Variants in RYR2 observed in about 807,000 individuals in gnomAD.
RYR2 encodes cardiac muscle ryanodine receptor-calcium release channel.
RYR2 carries 227 observed loss-of-function variants against 601.1 expected under a neutral mutation model. That is an observed-to-expected ratio of 0.38 (90% CI 0.34 to 0.42). RYR2 has a LOEUF of 0.42. Among genes scored for constraint, RYR2 ranks in the 10% least tolerant of loss-of-function variants. The pLI, the probability that RYR2 is intolerant of heterozygous loss-of-function variation, is 1.00. For synonymous variants in RYR2, 2,223 were observed against 2,175.1 expected, an observed-to-expected ratio of 1.02 and a Z score of -0.61; for missense variants, 4,646 against 6,156.5, an observed-to-expected ratio of 0.75 and a Z score of 8.21.
At chr1:237,453,020 G>A (rs1020285262) in intron 14 of RYR2, among the ~76,000 whole-genome samples, 3 of 151,898 alleles carry the variant, frequency 2.0e-5, no homozygotes, top group African/African-American at 7.2e-5. Context: ...TTGAAAATGT[G>A]GATACTGAAT....
chr1:237,778,406 A>T (rs1694832334), intron 87 of RYR2, among the ~76,000 whole-genome samples: 1 of 151,820 alleles, frequency 6.6e-6, no homozygotes, highest in Admixed American at 6.6e-5. Flanking sequence ...CCAAAAAAAA[A>T]AAATGATTCA....
chr1:237,692,574 T>G (rs77949920), intron 63 of RYR2, among the ~76,000 whole-genome samples: 4,064 of 152,290 alleles, frequency 0.027, 72 homozygotes, highest in South Asian at 0.047. Flanking sequence ...TCCTCCTCCC[T>G]ATGCTTCTTC....
intron 21 of RYR2, among the ~76,000 whole-genome samples, chr1:237,502,473 A>G (rs982608236): frequency 1.2e-4 from 18 of 152,128 alleles, no homozygotes; most frequent in Admixed American, 6.6e-4. Context: ...CAATTTTTCT[A>G]CGGGCCAGGG....
Position 237,602,055 on chromosome 1 carries a change from G to C in RYR2, c.4627G>C (p.Val1543Leu). Reference protein sequence around the residue: ...VEPSTKLFPAVFAQATSPNVF... With the variant: ...VEPSTKLFPALFAQATSPNVF... ...ACCGAGTACAAAATTATTTCCTGCG[G>C]TTTTTGCACAAGCTACAAGTCCCAA... is the stretch of plus-strand genomic sequence containing the variant. Residue 1543 changes from valine to leucine, a missense_variant, in exon 35 of 105, where the codon GTT becomes CTT. Val to Leu is a conservative substitution (Grantham distance 32, BLOSUM62 1). Coordinates refer to ENST00000366574, the MANE Select transcript of RYR2 (RefSeq NM_001035.3). 6.2e-7 allele frequency: 1 copy of C among 1,612,966 alleles called. No individual in the cohort carries two copies. Among genetic ancestry groups the C allele is most frequent in the Non-Finnish European group, 8.5e-7 (1 of 1,179,390 alleles).
intron 25 of RYR2, among the ~76,000 whole-genome samples, chr1:237,535,381 G>T (rs1668503210): frequency 1.3e-5 from 2 of 151,544 alleles, no homozygotes; most frequent in Non-Finnish European, 2.9e-5. Flanking sequence ...CTTTCTAAAG[G>T]TAAAAGTATG....
intron 2 of RYR2, 86 bp downstream of exon 2, chr1:237,270,702 G>A (rs905217590): frequency 1.4e-6 from 2 of 1,398,014 alleles, no homozygotes; most frequent in Non-Finnish European, 2.0e-6. Flanking sequence ...ACTATTTTCT[G>A]TGGAATACAT....
intron 36 of RYR2, among the ~76,000 whole-genome samples, chr1:237,613,792 A>G (rs1355400015): frequency 6.6e-6 from 1 of 152,226 alleles, no homozygotes; most frequent in Non-Finnish European, 1.5e-5. Flanking sequence ...GGTATTTCAC[A>G]TTTCAGACTT....
chr1:237,333,039 G>A (rs1003708683), intron 3 of RYR2, among the ~76,000 whole-genome samples: 2 of 152,086 alleles, frequency 1.3e-5, no homozygotes, highest in African/African-American at 2.4e-5. Context: ...ATCTCCTCAA[G>A]TATTTTTATT....
intron 35 of RYR2, among the ~76,000 whole-genome samples, chr1:237,605,175 A>G (rs1219154716): frequency 6.6e-6 from 1 of 152,216 alleles, no homozygotes; most frequent in African/African-American, 2.4e-5. Context: ...AATCCTCAAT[A>G]AAATACTGGC....
At chr1:237,247,294 T>C (rs1011857002) in intron 1 of RYR2, among the ~76,000 whole-genome samples, 1 of 152,212 alleles carries the variant, frequency 6.6e-6, no homozygotes, top group African/African-American at 2.4e-5. Context: ...AACTGCCTTT[T>C]CGCTACAGCT....
intron 100 of RYR2, among the ~76,000 whole-genome samples, chr1:237,814,288 G>T (rs1661552610): frequency 6.6e-6 from 1 of 152,152 alleles, no homozygotes; most frequent in Admixed American, 6.5e-5. Flanking sequence ...CTTTAATTTA[G>T]TTCTCAAAAG....
chr1:237,568,737 C>G (rs1341600454), intron 28 of RYR2, among the ~76,000 whole-genome samples: 3 of 152,256 alleles, frequency 2.0e-5, no homozygotes, highest in East Asian at 3.9e-4. Flanking sequence ...GCTTGATTCC[C>G]TAGCTCATAA....
chr1:237,803,389 C>T (rs746037943), intron 98 of RYR2, among the ~76,000 whole-genome samples: 8 of 151,956 alleles, frequency 5.3e-5, no homozygotes, highest in East Asian at 1.9e-4. Context: ...CTGCAAGCTC[C>T]GCCTCCTGGG....
Position 237,589,689 on chromosome 1 carries a change from A to C in RYR2, c.3599-104A>C, listed in dbSNP as rs939910167. The stretch of plus-strand genomic sequence containing the variant: ...ACACTACTTTTTTCACCCTAGGGTG[A>C]CAGCTCTCACAAAGTTCGGTCCTGG... On this transcript the variant is annotated intron_variant, in intron 29 of 104. Coordinates refer to ENST00000366574, the MANE Select transcript of RYR2 (RefSeq NM_001035.3). 73 of 1,020,818 alleles carry C rather than the reference A, an allele frequency of 7.2e-5. No homozygotes were observed. In the Admixed American group the frequency reaches 1.2e-3, roughly 16 times the overall value. The allele number at this position is 1,020,818 out of a possible 1,614,324, so 63.2% of individuals were successfully genotyped here.
intron 1 of RYR2, among the ~76,000 whole-genome samples, chr1:237,220,791 G>C (rs1204888976): frequency 2.6e-5 from 4 of 152,138 alleles, no homozygotes; most frequent in African/African-American, 9.7e-5. Context: ...TATTCTTGCT[G>C]TTTCGAAGGA....
intron 1 of RYR2, among the ~76,000 whole-genome samples, chr1:237,203,930 A>G (rs982085015): frequency 2.6e-5 from 4 of 152,200 alleles, no homozygotes; most frequent in African/African-American, 9.7e-5. Context: ...GACTTCACAT[A>G]AATGAAATAA....
chr1:237,113,843 T>C (rs1293569332), intron 1 of RYR2, among the ~76,000 whole-genome samples: 1 of 152,210 alleles, frequency 6.6e-6, no homozygotes, highest in Non-Finnish European at 1.5e-5. Flanking sequence ...TTTTTAAAGA[T>C]CACACAAGAA....
chr1:237,650,997 C>T (rs1423156870), intron 50 of RYR2, among the ~76,000 whole-genome samples: 1 of 152,216 alleles, frequency 6.6e-6, no homozygotes, highest in Non-Finnish European at 1.5e-5. Flanking sequence ...GGCAAATTTG[C>T]TGTCTCAGCC....
intron 98 of RYR2, among the ~76,000 whole-genome samples, chr1:237,804,890 G>A (rs142785884): frequency 2.6e-4 from 40 of 152,330 alleles, no homozygotes; most frequent in South Asian, 2.1e-3. Context: ...TTCTTTTGTT[G>A]GCTGTAGAGC....
Sources: allele counts gnomAD v4.1 joint callset (sites outside exome capture counted in the v4.1 genomes callset), GRCh38; gene constraint gnomAD v4.1.1; transcripts MANE v1.5; gene names NCBI Gene and HGNC (gene_info 2026-07-23, HGNC 2026-07-21).